The following RCAN3 variants were observed in gnomAD, a reference collection of about 807,000 sequenced individuals.
RCAN3 encodes calcipressin-3.
RCAN3 carries 19 observed loss-of-function variants against 21.9 expected under a neutral mutation model. The ratio of observed to expected loss-of-function variants is 0.87; its 90% CI spans 0.61 to 1.27. The LOEUF (loss-of-function observed/expected upper bound fraction) is 1.27. Ranked by LOEUF, RCAN3 falls within the 50% of genes most tolerant of loss-of-function variation. The probability of loss-of-function intolerance (pLI) is 0.00; values close to 1 mark genes in which losing one functional copy is unlikely to be tolerated. For synonymous variants in RCAN3, 114 were observed against 112.3 expected, an observed-to-expected ratio of 1.01 and a Z score of -0.09; for missense variants, 240 against 300.1, an observed-to-expected ratio of 0.80 and a Z score of 1.48.
intron 2 of RCAN3, among the ~76,000 whole-genome samples, chr1:24,524,379 C>T (rs925640123): frequency 7.9e-5 from 12 of 152,218 alleles, no homozygotes; most frequent in Middle Eastern, 3.4e-3. Context: ...ATGATGATGG[C>T]AACATAAATA....
At chr1:24,504,739 A>G (rs1647303513) in intron 1 of RCAN3, among the ~76,000 whole-genome samples, 1 of 152,190 alleles carries the variant, frequency 6.6e-6, no homozygotes, top group Non-Finnish European at 1.5e-5. Context: ...AAAAACACAG[A>G]AGGTGGAGGT....
chr1:24,526,378 T>G (rs1253898338), intron 2 of RCAN3, among the ~76,000 whole-genome samples: 2 of 152,130 alleles, frequency 1.3e-5, no homozygotes, highest in Non-Finnish European at 2.9e-5. Flanking sequence ...GTTATAATTC[T>G]TAATCCTATC....
intron 2 of RCAN3, among the ~76,000 whole-genome samples, chr1:24,518,499 AG>A (rs1487472069): frequency 1.3e-5 from 2 of 152,148 alleles, no homozygotes; most frequent in Non-Finnish European, 2.9e-5. Flanking sequence ...GGAGTGCGAC[AG>A]GCTTAGTGCT....
chr1:24,535,061 T>G (rs534515422), intron 4 of RCAN3, 32 bp from the exon 5 acceptor site: 1 of 1,583,418 alleles, frequency 6.3e-7, no homozygotes, highest in East Asian at 2.3e-5. Context: ...GAAGTGATGC[T>G]TTTGTCATGG....
rs1456770269 is a variant in RCAN3, at chr1:24,535,679, T to TTTA, written c.*403_*404insTAT. ...CATTTTTATGAATTTAAAAATAGTC[T>TTTA]TATAATTTTAATTGTTTGTGGGTAT... On this transcript the variant is annotated 3_prime_UTR_variant, in exon 5 of 5. Coordinates refer to ENST00000374395, the MANE Select transcript of RCAN3 (RefSeq NM_013441.4). 2 of 164,196 alleles carry TTTA rather than the reference T, an allele frequency of 1.2e-5. No individual in the cohort carries two copies. The highest frequency in any genetic ancestry group is 3.4e-4 in the East Asian group (2 of 5,906). 10.2% of individuals were successfully genotyped at this position (164,196 alleles called of 1,614,324 possible).
At chr1:24,516,420 C>G (rs1160570604) in intron 2 of RCAN3, among the ~76,000 whole-genome samples, 1 of 152,042 alleles carries the variant, frequency 6.6e-6, no homozygotes, top group Non-Finnish European at 1.5e-5. Context: ...GCTGTGAGAG[C>G]TGGGTAGGAT....
chr1:24,523,744 C>G (rs1486672250), intron 2 of RCAN3, among the ~76,000 whole-genome samples: 2 of 151,842 alleles, frequency 1.3e-5, no homozygotes, highest in Non-Finnish European at 2.9e-5. Context: ...TGGGTTCAAG[C>G]AAGCCACCAT....
intron 2 of RCAN3, among the ~76,000 whole-genome samples, chr1:24,521,741 G>A (rs931862272): frequency 1.3e-5 from 2 of 152,082 alleles, no homozygotes; most frequent in African/African-American, 2.4e-5. Flanking sequence ...CCAGCTACTC[G>A]GGAGGCTGAG....
At chr1:24,510,637 C>T (rs2148893355) in intron 1 of RCAN3, among the ~76,000 whole-genome samples, 1 of 152,320 alleles carries the variant, frequency 6.6e-6, no homozygotes, top group African/African-American at 2.4e-5. Flanking sequence ...GATCTTCTAT[C>T]TAGACCAATC....
At chr1:24,529,286 C>T (rs1027427741) in intron 2 of RCAN3, among the ~76,000 whole-genome samples, 1 of 151,528 alleles carries the variant, frequency 6.6e-6, no homozygotes, top group Non-Finnish European at 1.5e-5. Flanking sequence ...GGCATGGTGG[C>T]TCATGCCTGT....
intron 1 of RCAN3, among the ~76,000 whole-genome samples, chr1:24,505,258 T>C (rs578221648): frequency 1.9e-4 from 28 of 147,754 alleles, no homozygotes; most frequent in Non-Finnish European, 3.6e-4. Flanking sequence ...TTTTTTCTTT[T>C]TTTTGAGATC....
At chr1:24,515,062 GA>G (rs1648193498) in intron 2 of RCAN3, among the ~76,000 whole-genome samples, 1 of 152,148 alleles carries the variant, frequency 6.6e-6, no homozygotes, top group Non-Finnish European at 1.5e-5. Flanking sequence ...CAGCAGTTAG[GA>G]AATGTTTCAA....
rs1211196674 is a variant in RCAN3 at position 24,537,340 on chromosome 1, T to C, written c.*2063T>C. On this transcript the variant is annotated 3_prime_UTR_variant, in exon 5 of 5. Coordinates refer to ENST00000374395, the MANE Select transcript of RCAN3 (RefSeq NM_013441.4). Reference sequence around the variant, plus strand: ...AAATTAGAGACGAGTCATTTAAGCTTTTCTGAATGGAAAGTATTAATATTT... The same window carrying C: ...AAATTAGAGACGAGTCATTTAAGCTCTTCTGAATGGAAAGTATTAATATTT... 2 of 152,150 alleles carry C rather than the reference T, an allele frequency of 1.3e-5. No individual in the cohort carries two copies. Among genetic ancestry groups the C allele is most frequent in the East Asian group, 1.9e-4 (1 of 5,200 alleles). The allele number at this position is 152,150 out of a possible 1,614,324, so 9.4% of individuals were successfully genotyped here. A position where few individuals can be genotyped will look rare whatever the true frequency, so the allele number is the denominator to read the frequency against.
chr1:24,519,150 A>G (rs913737505), intron 2 of RCAN3, among the ~76,000 whole-genome samples: 4 of 151,400 alleles, frequency 2.6e-5, no homozygotes, highest in African/African-American at 7.3e-5. Flanking sequence ...ACTTCAAGTG[A>G]TCTGCCCATC....
intron 2 of RCAN3, among the ~76,000 whole-genome samples, chr1:24,530,748 C>T (rs560647648): frequency 1.8e-4 from 28 of 152,234 alleles, no homozygotes; most frequent in East Asian, 5.8e-4. Context: ...TGGTGGCTCA[C>T]GCCTGTAATC....
chr1:24,517,090 T>TG (rs911306676), intron 2 of RCAN3, among the ~76,000 whole-genome samples: 3 of 147,366 alleles, frequency 2.0e-5, no homozygotes, highest in African/African-American at 8.0e-5. Context: ...TTTTGTTTTT[T>TG]TTTGTTTTTT....
intron 3 of RCAN3, among the ~76,000 whole-genome samples, chr1:24,532,703 C>T (rs1452453266): frequency 6.6e-6 from 1 of 151,008 alleles, no homozygotes; most frequent in Non-Finnish European, 1.5e-5. Context: ...AATCCCAGCA[C>T]TTTGGGAGGC....
At chr1:24,515,140 T>C (rs1648200759) in intron 2 of RCAN3, among the ~76,000 whole-genome samples, 1 of 152,200 alleles carries the variant, frequency 6.6e-6, no homozygotes. Context: ...TCAAGTCTTA[T>C]TCAATCCATT....
chr1:24,515,951 T>C (rs1358512680), intron 2 of RCAN3, among the ~76,000 whole-genome samples: 3 of 152,130 alleles, frequency 2.0e-5, no homozygotes, highest in Non-Finnish European at 4.4e-5. Flanking sequence ...CAGACCAGCC[T>C]GACCAACATG....
Sources: allele counts gnomAD v4.1 joint callset (sites outside exome capture counted in the v4.1 genomes callset), GRCh38; gene constraint gnomAD v4.1.1; transcripts MANE v1.5; gene names NCBI Gene and HGNC (gene_info 2026-07-23, HGNC 2026-07-21).